OR2C1: variants seen among roughly 807,000 people sequenced by gnomAD.
OR2C1 encodes the protein olfactory receptor 2C1.
For missense variants in OR2C1, 468 were observed against 388.3 expected, an observed-to-expected ratio of 1.21 and a Z score of -1.73; for synonymous variants, 209 against 167.3, an observed-to-expected ratio of 1.25 and a Z score of -1.92.
At chr16:3,345,637 T>G in the OR2C1 span, among the ~76,000 whole-genome samples, 358 of 152,238 alleles carry the variant, frequency 2.4e-3, 2 homozygotes, top group African/African-American at 8.2e-3. Flanking sequence ...GAATTACATA[T>G]CAAACACATC....
the OR2C1 span, among the ~76,000 whole-genome samples, chr16:3,347,872 ACGCACATG>A: frequency 9.4e-4 from 6 of 6,412 alleles, no homozygotes; most frequent in Admixed American, 2.0e-3. Flanking sequence ...GCACACACAC[ACGCACATG>A]CACACATGCA....
chr16:3,346,897 G>A, the OR2C1 span, among the ~76,000 whole-genome samples: 1 of 150,908 alleles, frequency 6.6e-6, no homozygotes, highest in South Asian at 2.1e-4. Flanking sequence ...CTCCCAAAGT[G>A]CTGGGATTAC....
the OR2C1 span, among the ~76,000 whole-genome samples, chr16:3,339,605 C>A: frequency 5.9e-5 from 9 of 152,088 alleles, no homozygotes; most frequent in Non-Finnish European, 1.2e-4. Context: ...TACAGACGCC[C>A]ACCACTATGC....
the OR2C1 span, among the ~76,000 whole-genome samples, chr16:3,329,371 G>A: frequency 6.6e-6 from 1 of 151,988 alleles, no homozygotes; most frequent in East Asian, 1.9e-4. Flanking sequence ...AGAACACCAC[G>A]AAAAGAGTTT....
At chr16:3,333,180 T>A in the OR2C1 span, among the ~76,000 whole-genome samples, 1 of 150,970 alleles carries the variant, frequency 6.6e-6, no homozygotes, top group Non-Finnish European at 1.5e-5. Flanking sequence ...TATGTCTTCA[T>A]TTGAGAAATG....
At chr16:3,338,866 C>T in the OR2C1 span, among the ~76,000 whole-genome samples, 1 of 152,108 alleles carries the variant, frequency 6.6e-6, no homozygotes, top group African/African-American at 2.4e-5. Context: ...GTGATATTCA[C>T]ATAAAATAAA....
chr16:3,335,520 C>CTTTTTT, the OR2C1 span, among the ~76,000 whole-genome samples: 79 of 55,408 alleles, frequency 1.4e-3, no homozygotes, highest in Admixed American at 1.8e-3. Context: ...AATGCTACTG[C>CTTTTTT]TTTTTTTTTT....
chr16:3,331,260 T>G, the OR2C1 span, among the ~76,000 whole-genome samples: 209 of 152,352 alleles, frequency 1.4e-3, 2 homozygotes, highest in African/African-American at 4.6e-3. Flanking sequence ...TAAATTTGTT[T>G]GGGTTCATTG....
the OR2C1 span, among the ~76,000 whole-genome samples, chr16:3,330,180 C>G: frequency 6.7e-6 from 1 of 149,270 alleles, no homozygotes; most frequent in African/African-American, 2.5e-5. Context: ...GATCTCGGCC[C>G]ACTGCAAGCT....
the OR2C1 span, among the ~76,000 whole-genome samples, chr16:3,339,751 C>T: frequency 3.3e-5 from 5 of 152,228 alleles, no homozygotes; most frequent in South Asian, 4.2e-4. Flanking sequence ...CCACCGCACC[C>T]GGCCCCATTT....
chr16:3,329,607 A>G, the OR2C1 span, among the ~76,000 whole-genome samples: 2 of 148,766 alleles, frequency 1.3e-5, no homozygotes, highest in African/African-American at 2.5e-5. Flanking sequence ...CCGCCACCAC[A>G]CCCGGCTAAT....
chr16:3,344,176 G>A, the OR2C1 span, among the ~76,000 whole-genome samples: 9 of 151,712 alleles, frequency 5.9e-5, no homozygotes, highest in Non-Finnish European at 1.0e-4. Flanking sequence ...AGCCGAGATC[G>A]CACCACTGCA....
chr16:3,349,713 A>G, the OR2C1 span, among the ~76,000 whole-genome samples: 1 of 152,024 alleles, frequency 6.6e-6, no homozygotes, highest in African/African-American at 2.4e-5. Flanking sequence ...GAGAGAGAAA[A>G]GGGAGAGTGT....
chr16:3,338,538 CTTTTT>C, the OR2C1 span, among the ~76,000 whole-genome samples: 32,984 of 103,820 alleles, frequency 0.32, 5,277 homozygotes, highest in South Asian at 0.4. Context: ...GTATAGGTAC[CTTTTT>C]TTTTTTTTTT....
chr16:3,342,445 C>A, the OR2C1 span, among the ~76,000 whole-genome samples: 17 of 152,246 alleles, frequency 1.1e-4, no homozygotes, highest in African/African-American at 3.6e-4. Flanking sequence ...GGGCCGGGTG[C>A]AATGGCTCAC....
At chr16:3,329,169 GACACACACACACACACACACACACAC>G in the OR2C1 span, among the ~76,000 whole-genome samples, 1 of 115,088 alleles carries the variant, frequency 8.7e-6, no homozygotes, top group African/African-American at 3.5e-5. Context: ...TGGGAGGGAA[GACACACACACACACACACACACACAC>G]ACACACACAC....
chr16:3,324,190 A>AT, the OR2C1 span, among the ~76,000 whole-genome samples: 3 of 152,052 alleles, frequency 2.0e-5, no homozygotes, highest in Non-Finnish European at 4.4e-5. Context: ...AGGAAAAAAA[A>AT]TTTTTTATTT....
the OR2C1 span, among the ~76,000 whole-genome samples, chr16:3,339,840 G>C: frequency 6.6e-6 from 1 of 152,088 alleles, no homozygotes; most frequent in East Asian, 1.9e-4. Context: ...TATCATTATA[G>C]CCATTTAATG....
At chr16:3,334,942 C>T in the OR2C1 span, among the ~76,000 whole-genome samples, 3 of 152,024 alleles carry the variant, frequency 2.0e-5, no homozygotes, top group African/African-American at 7.2e-5. Flanking sequence ...CCTTAGCCTC[C>T]CCAGTAGCTG....
Sources: gnomAD v4.1 joint callset for allele counts (sites outside exome capture counted in the v4.1 genomes callset) on GRCh38, gnomAD v4.1.1 for gene constraint, MANE v1.5 for transcripts, NCBI Gene and HGNC (gene_info 2026-07-23, HGNC 2026-07-21) for gene names.